ACTN1: variants seen among roughly 807,000 people sequenced by gnomAD.
The protein encoded by ACTN1 is actinin alpha 1, also known as alpha-actinin-1.
Under a neutral mutation model 119.6 loss-of-function variants are expected in ACTN1, and 30 were observed. The ratio of observed to expected loss-of-function variants is 0.25; its 90% CI spans 0.19 to 0.34. The LOEUF is 0.34. Among genes scored for constraint, ACTN1 ranks in the 10% least tolerant of loss-of-function variants. The probability of loss-of-function intolerance (pLI) is 1.00; values close to 1 mark genes in which losing one functional copy is unlikely to be tolerated. For missense variants in ACTN1, 764 were observed against 1,223.4 expected, an observed-to-expected ratio of 0.62 and a Z score of 5.60; for synonymous variants, 429 against 472.6, an observed-to-expected ratio of 0.91 and a Z score of 1.20.
intron 4 of ACTN1, 84 bp from the exon 5 acceptor site, chr14:68,910,126 A>C: frequency 9.0e-7 from 1 of 1,115,452 alleles, no homozygotes; most frequent in African/African-American, 1.5e-5. Context: ...CCCCACTGTG[A>C]CCCTTTGATG....
At position 68,885,629 on chromosome 14, in the gene ACTN1, T is replaced by C; in HGVS notation, c.1235-54A>G. ...GCTGGAGTGAGAAGCATCTCCTTGG[T>C]CCCAACCGCCCACCCCTCAGGGCCC... On this transcript the variant is annotated intron_variant, in intron 11 of 21. Transcript: ENST00000394419. This position sits in a 1 kb window ranked among gnomAD's most constrained non-coding sequence, Gnocchi z 5.6. 8.8e-6 allele frequency: 14 copies of C among 1,585,800 alleles called. No homozygotes were observed. The highest frequency in any genetic ancestry group is 1.1e-5 in the South Asian group (1 of 89,040).
intron 10 of ACTN1, among the ~76,000 whole-genome samples, chr14:68,890,934 C>G (rs2032430110): frequency 6.6e-6 from 1 of 152,178 alleles, no homozygotes; most frequent in Non-Finnish European, 1.5e-5. Context: ...CCCCACATGT[C>G]CCCAGGCCAA....
At position 68,915,088 on chromosome 14, in the gene ACTN1, G is replaced by A. The variant is rs375216595; in HGVS notation, c.341-2846C>T. On this transcript the variant is annotated intron_variant, in intron 3 of 21. Coordinates refer to ENST00000394419, the MANE Select transcript of ACTN1 (RefSeq NM_001130004.2). ...ATCACACCCCGTACTTAGAAACCTC[G>A]CAAAGGTACACAGTACACAGAATGA... is the stretch of plus-strand genomic sequence containing the variant. Among the ~76,000 whole-genome samples, 8 of 152,168 alleles carry A rather than the reference G, an allele frequency of 5.3e-5. 1 individual carries two copies. The South Asian group carries it at 8.3e-4, about 16-fold the overall frequency.
chr14:68,918,428 A>T (rs7141657), intron 3 of ACTN1, among the ~76,000 whole-genome samples: 74,239 of 150,818 alleles, frequency 0.49, 18,314 homozygotes, highest in African/African-American at 0.53. Flanking sequence ...AAAAATATTT[A>T]AAAAAAAATT....
intron 3 of ACTN1, among the ~76,000 whole-genome samples, chr14:68,919,850 C>T (rs185446202): frequency 6.6e-6 from 1 of 152,356 alleles, no homozygotes; most frequent in East Asian, 1.9e-4. Context: ...CACCGGTGTG[C>T]TGTGTTCCAA....
In ACTN1 at chr14:68,950,462, G is replaced by GTGTGTGTGTGTGTGTGTGTGTGTGTA; in HGVS notation, c.106-24791_106-24790insTACACACACACACACACACACACACA. ...TTTACCATAATATATATGCGTGTGTGTATATATATATATATAAATCAAACA... is the reference window on the plus strand; with the variant it reads ...TTTACCATAATATATATGCGTGTGTGTGTGTGTGTGTGTGTGTGTGTGTGTATATATATATATATATAAATCAAACA... On this transcript the variant is annotated intron_variant, in intron 1 of 21. Transcript: ENST00000394419. 5.6e-5 allele frequency among the ~76,000 whole-genome samples: 7 copies of GTGTGTGTGTGTGTGTGTGTGTGTGTA among 125,938 alleles called. 1 individual carries two copies. Among genetic ancestry groups the GTGTGTGTGTGTGTGTGTGTGTGTGTA allele is most frequent in the African/African-American group, 2.5e-4 (6 of 24,336 alleles). 82.6% of individuals were successfully genotyped at this position (125,938 alleles called of 152,430 possible).
intron 1 of ACTN1, among the ~76,000 whole-genome samples, chr14:68,969,862 C>G (rs1461105794): frequency 2.6e-5 from 4 of 152,170 alleles, no homozygotes; most frequent in African/African-American, 9.7e-5. Flanking sequence ...CACCCACATG[C>G]AAGGCTTGGT....
intron 1 of ACTN1, among the ~76,000 whole-genome samples, chr14:68,953,335 C>G (rs911420144): frequency 1.3e-5 from 2 of 152,146 alleles, no homozygotes; most frequent in Non-Finnish European, 2.9e-5. Context: ...ACCACTCCAC[C>G]CACTCCCTAC....
Position 68,936,063 on chromosome 14 carries a change from C to T in ACTN1, c.106-10391G>A, listed in dbSNP as rs74573738. On this transcript the variant is annotated intron_variant, in intron 1 of 21. Coordinates refer to ENST00000394419, the MANE Select transcript of ACTN1 (RefSeq NM_001130004.2). The stretch of plus-strand genomic sequence containing the variant: ...TCAATCCCTTCCAGCTCTGCTAGCG[C>T]AAACAAGTCCCTCCTACCTTGCAGG... 5.1e-3 allele frequency among the ~76,000 whole-genome samples: 760 copies of T among 149,072 alleles called. 10 individuals are homozygous for T. The highest frequency in any genetic ancestry group is 0.018 in the African/African-American group (732 of 41,524).
chr14:68,883,118 G>A (rs944148866), intron 14 of ACTN1, 63 bp from the exon 15 acceptor site: 2 of 1,537,850 alleles, frequency 1.3e-6, no homozygotes, highest in African/African-American at 1.4e-5. Flanking sequence ...TGAGTGGAAG[G>A]GCCATGGAGG....
chr14:68,949,817 C>CGG (rs2036069420), intron 1 of ACTN1, among the ~76,000 whole-genome samples: 7 of 152,198 alleles, frequency 4.6e-5, no homozygotes, highest in Non-Finnish European at 1.0e-4. Context: ...ATGGACCAAC[C>CGG]TTCAAGACAT....
intron 4 of ACTN1, among the ~76,000 whole-genome samples, chr14:68,911,883 G>A (rs537065629): frequency 1.3e-5 from 2 of 152,342 alleles, no homozygotes; most frequent in South Asian, 2.1e-4. Flanking sequence ...CAAGAGCCAG[G>A]TGGGTTTTCC....
Position 68,879,755 on chromosome 14 carries a change from C to T in ACTN1, c.2280+207G>A, listed in dbSNP as rs1331103631. The T allele has an allele frequency of 1.3e-5, 8 of 608,456 alleles. No individual in the cohort carries two copies. The highest frequency in any genetic ancestry group is 4.3e-5 in the South Asian group (2 of 46,644). The allele number at this position is 608,456 out of a possible 1,614,324, so 37.7% of individuals were successfully genotyped here. On this transcript the variant is annotated intron_variant, in intron 18 of 21. Transcript: ENST00000394419. This position sits in a 1 kb window ranked among gnomAD's most constrained non-coding sequence, Gnocchi z 4.9. Reference sequence around the variant, plus strand: ...TACCCACAGTCTGAACACTCTCTCCCGGAAAGCAGGGAAGCTTATGGGGCA... The same window carrying T: ...TACCCACAGTCTGAACACTCTCTCCTGGAAAGCAGGGAAGCTTATGGGGCA...
intron 2 of ACTN1, among the ~76,000 whole-genome samples, chr14:68,923,916 C>T (rs1196096281): frequency 6.6e-6 from 1 of 151,984 alleles, no homozygotes; most frequent in Admixed American, 6.6e-5. Flanking sequence ...GTCATACATA[C>T]AATGGAATAC....
Position 68,925,735 on chromosome 14 carries a change from C to A in ACTN1, c.106-63G>T. 1 of 1,364,706 alleles carries A rather than the reference C, an allele frequency of 7.3e-7. No individual in the cohort carries two copies. Among genetic ancestry groups the A allele is most frequent in the African/African-American group, 1.4e-5 (1 of 69,918 alleles). 84.5% of individuals were successfully genotyped at this position (1,364,706 alleles called of 1,614,324 possible). A position where few individuals can be genotyped will look rare whatever the true frequency, so the allele number is the denominator to read the frequency against. Reference sequence around the variant, plus strand: ...GGTGTTGTCACCCTCATTGGACAAGCCATTTAATGGTGCCAGGGGGTGGGA... The same window carrying A: ...GGTGTTGTCACCCTCATTGGACAAGACATTTAATGGTGCCAGGGGGTGGGA... On this transcript the variant is annotated intron_variant, in intron 1 of 21. Coordinates refer to ENST00000394419, the MANE Select transcript of ACTN1 (RefSeq NM_001130004.2). This position sits in a 1 kb window ranked among gnomAD's most constrained non-coding sequence, Gnocchi z 4.3.
At position 68,925,759 on chromosome 14, in the gene ACTN1, G is replaced by C; in HGVS notation, c.106-87C>G. 1 of 1,035,894 alleles carries C rather than the reference G, an allele frequency of 9.7e-7. No individual in the cohort carries two copies. Among genetic ancestry groups the C allele is most frequent in the South Asian group, 1.5e-5 (1 of 67,962 alleles). The allele number at this position is 1,035,894 out of a possible 1,614,324, so 64.2% of individuals were successfully genotyped here. A position where few individuals can be genotyped will look rare whatever the true frequency, so the allele number is the denominator to read the frequency against. ...GCCATTTAATGGTGCCAGGGGGTGG[G>C]AGGTGGACACCTACTCAGCAGAGCC... On this transcript the variant is annotated intron_variant, in intron 1 of 21. Coordinates refer to ENST00000394419, the MANE Select transcript of ACTN1 (RefSeq NM_001130004.2). This position sits in a 1 kb window ranked among gnomAD's most constrained non-coding sequence, Gnocchi z 4.3.
intron 1 of ACTN1, among the ~76,000 whole-genome samples, chr14:68,959,235 G>A (rs1165390729): frequency 6.6e-6 from 1 of 152,162 alleles, no homozygotes; most frequent in Non-Finnish European, 1.5e-5. Context: ...TTAAACCTCT[G>A]GAAACAGTGG....
At chr14:68,961,399 G>T (rs1237094379) in intron 1 of ACTN1, among the ~76,000 whole-genome samples, 2 of 152,164 alleles carry the variant, frequency 1.3e-5, no homozygotes, top group Non-Finnish European at 1.5e-5. Context: ...TAGGAGAAAG[G>T]GTCTAAGATG....
At chr14:68,894,312 T>C (rs1042130115) in intron 8 of ACTN1, among the ~76,000 whole-genome samples, 7 of 152,214 alleles carry the variant, frequency 4.6e-5, no homozygotes, top group Non-Finnish European at 7.3e-5. Flanking sequence ...GACATTCTAC[T>C]GCACCCAAGT....
Sources: allele counts gnomAD v4.1 joint callset (sites outside exome capture counted in the v4.1 genomes callset), GRCh38; gene constraint gnomAD v4.1.1; non-coding constraint Gnocchi (gnomAD v3.1); transcripts MANE v1.5; gene names NCBI Gene and HGNC (gene_info 2026-07-23, HGNC 2026-07-21).